The following EML6 variants were observed in gnomAD, a reference collection of about 807,000 sequenced individuals.
EML6 encodes EMAP like 6.
Under a neutral mutation model 240.1 loss-of-function variants are expected in EML6, and 154 were observed. The observed-to-expected ratio is 0.64, with a 90% CI of 0.56 to 0.73. The LOEUF is 0.73. Among genes scored for constraint, EML6 ranks in the 30% least tolerant of loss-of-function variants. The pLI is 0.00. For synonymous variants in EML6, 1,148 were observed against 899.0 expected (o/e 1.28, Z -4.95); for missense variants, 2,964 against 2,474.6 (o/e 1.20, Z -4.20).
chr2:54,751,311 G>A (rs1049415802), intron 2 of EML6, among the ~76,000 whole-genome samples: 18 of 152,130 alleles, frequency 1.2e-4, no homozygotes, highest in African/African-American at 3.6e-4. Flanking sequence ...AGAAACACAC[G>A]GGGATGTAAA....
chr2:54,890,486 C>T (rs1291671619), intron 17 of EML6, among the ~76,000 whole-genome samples: 1 of 152,148 alleles, frequency 6.6e-6, no homozygotes, highest in Non-Finnish European at 1.5e-5. Context: ...TATAAACCTA[C>T]CTCTCTGTGC....
At chr2:54,859,123 T>C (rs560850685) in intron 11 of EML6, among the ~76,000 whole-genome samples, 16 of 152,380 alleles carry the variant, frequency 1.1e-4, no homozygotes, top group Middle Eastern at 3.4e-3. Flanking sequence ...CTCCAAACTC[T>C]ATGTCTACGT....
intron 39 of EML6, 108 bp from the exon 40 acceptor site, chr2:54,968,020 C>T: frequency 1.8e-6 from 2 of 1,133,904 alleles, no homozygotes; most frequent in Non-Finnish European, 2.5e-6. Flanking sequence ...TTGGGGACCC[C>T]TGATGTTAAA....
Position 54,928,723 on chromosome 2 carries a change from C to A in EML6, c.3976C>A (p.Gln1326Lys). The A allele has an allele frequency of 6.4e-7, 1 of 1,551,888 alleles. No homozygotes were observed. The highest frequency in any genetic ancestry group is 1.2e-5 in the South Asian group (1 of 84,050). Residue 1326 changes from glutamine (Q) to lysine (K), a missense_variant, in exon 28 of 42, where the codon CAG (glutamine) becomes AAG (lysine). Physicochemically the swap from Gln to Lys is moderately conservative, Grantham distance 53. Transcript: ENST00000356458. ...AATGGAAGGCACCAAGCCACACCAG[C>A]AGCTGAAGGAAGTTTCCGTGGAAGA... ...REMEGTKPHQ[Q>K]LKEVSVEERP... is the part of the protein sequence containing the mutation.
rs565020263 is a variant in EML6 at position 54,957,068 on chromosome 2, A to C, written c.4487-722A>C. Among the ~76,000 whole-genome samples, 10 of 152,288 alleles carry C rather than the reference A, an allele frequency of 6.6e-5. No individual in the cohort carries two copies. In the South Asian group the frequency reaches 2.1e-3, roughly 32 times the overall value. On this transcript the variant is annotated intron_variant, in intron 32 of 41. Transcript: ENST00000356458. ...TGTGCTCAGGGCTTCACTTACTTCA[A>C]TTCTTTTTATCTGCACTGCACCTTC...
intron 7 of EML6, among the ~76,000 whole-genome samples, chr2:54,842,226 G>A (rs1669498784): frequency 6.6e-6 from 1 of 152,076 alleles, no homozygotes; most frequent in Non-Finnish European, 1.5e-5. Context: ...TACTCTGCCT[G>A]TTCATCACTC....
At chr2:54,893,248 T>C (rs1046407043) in intron 19 of EML6, among the ~76,000 whole-genome samples, 3 of 152,138 alleles carry the variant, frequency 2.0e-5, no homozygotes, top group East Asian at 1.9e-4. Flanking sequence ...TCAGTCTGTT[T>C]TTGCTGCTGT....
chr2:54,742,193 C>T (rs149207062), intron 2 of EML6, among the ~76,000 whole-genome samples: 3 of 152,270 alleles, frequency 2.0e-5, no homozygotes, highest in East Asian at 1.9e-4. Flanking sequence ...TTAAAAACTC[C>T]GGCCAACTCT....
intron 6 of EML6, 41 bp from the exon 7 acceptor site, chr2:54,829,301 G>C (rs1013381848): frequency 3.9e-6 from 6 of 1,534,720 alleles, no homozygotes; most frequent in Non-Finnish European, 5.3e-6. Flanking sequence ...ATTATACTTA[G>C]GATGGTTGCA....
chr2:54,815,986 G>T (rs1355927036), intron 3 of EML6, among the ~76,000 whole-genome samples: 1 of 152,158 alleles, frequency 6.6e-6, no homozygotes, highest in East Asian at 1.9e-4. Context: ...TATACCCATT[G>T]TACAAATGAG....
At chr2:54,948,742 G>T (rs950961774) in intron 28 of EML6, 140 bp from the exon 29 acceptor site, 2 of 657,728 alleles carry the variant, frequency 3.0e-6, no homozygotes, top group Admixed American at 5.1e-5. Flanking sequence ...AGGAGGGCAG[G>T]ACTGAACAGA....
At chr2:54,896,617 A>G (rs555042664) in intron 21 of EML6, among the ~76,000 whole-genome samples, 4 of 152,150 alleles carry the variant, frequency 2.6e-5, no homozygotes, top group Non-Finnish European at 5.9e-5. Context: ...TGGAGAGAAA[A>G]GAAAATGCAC....
At position 54,928,746 on chromosome 2, in the gene EML6, A is replaced by AG; in HGVS notation, c.4000dup (p.Glu1334GlyfsTer6). 6.4e-7 allele frequency: 1 copy of AG among 1,551,878 alleles called. No individual in the cohort carries two copies. Among genetic ancestry groups the AG allele is most frequent in the Non-Finnish European group, 8.7e-7 (1 of 1,147,036 alleles). ...AGCAGCTGAAGGAAGTTTCCGTGGAAGAAAGGTATGGTGTTGCCAGGTTTG... is the reference window on the plus strand; with the variant it reads ...AGCAGCTGAAGGAAGTTTCCGTGGAAGGAAAGGTATGGTGTTGCCAGGTTTG... On this transcript the variant is annotated frameshift_variant, in exon 28 of 42. Coordinates refer to ENST00000356458, the MANE Select transcript of EML6 (RefSeq NM_001039753.4). LOFTEE classifies it high-confidence loss of function.
intron 28 of EML6, among the ~76,000 whole-genome samples, chr2:54,941,255 G>T (rs888608940): frequency 1.3e-5 from 2 of 152,096 alleles, no homozygotes; most frequent in African/African-American, 2.4e-5. Context: ...ATTTATTTCT[G>T]TTGGGACCAT....
intron 12 of EML6, 48 bp from the exon 13 acceptor site, chr2:54,863,735 C>T: frequency 2.2e-6 from 2 of 923,690 alleles, no homozygotes; most frequent in Non-Finnish European, 1.7e-6. Flanking sequence ...TTCAGTTGCT[C>T]AGAGTCTCAG....
In EML6 at chr2:54,892,465, A is replaced by G. The variant is rs1460182414; in HGVS notation, c.2551A>G (p.Thr851Ala). 3 of 1,550,832 alleles carry G rather than the reference A, an allele frequency of 1.9e-6. No homozygotes were observed. The African/African-American group carries it at 4.1e-5, about 21-fold the overall frequency. The change falls in exon 19 of 42, where the codon ACT becomes GCT. Residue 851 changes from threonine to alanine, a missense_variant. By Grantham distance (58) the Thr-to-Ala change is moderately conservative (BLOSUM62 0). Coordinates refer to ENST00000356458, the MANE Select transcript of EML6 (RefSeq NM_001039753.4). ...KFWQQAGGGF[T>A]SKRGTFGSVG... ...TTGGTCCACTCTAGGTGGGGGCTTC[A>G]CTTCTAAAAGAGGAACTTTTGGAAG...
intron 26 of EML6, 131 bp from the exon 27 acceptor site, chr2:54,928,182 C>A: frequency 2.7e-6 from 2 of 750,500 alleles, no homozygotes; most frequent in Non-Finnish European, 4.6e-6. Flanking sequence ...ATGGAGCTTA[C>A]ATTCTAGTTG....
At chr2:54,870,186 G>A (rs745907497) in intron 15 of EML6, among the ~76,000 whole-genome samples, 2 of 152,092 alleles carry the variant, frequency 1.3e-5, no homozygotes, top group Non-Finnish European at 2.9e-5. Context: ...CCTGAGACTC[G>A]ACCTGCAGGT....
chr2:54,749,738 G>T (rs917573216), intron 2 of EML6, among the ~76,000 whole-genome samples: 2 of 152,116 alleles, frequency 1.3e-5, no homozygotes, highest in South Asian at 4.1e-4. Context: ...AAAACATCCA[G>T]CTAGTAGCTG....
Sources: gnomAD v4.1 joint callset for allele counts (sites outside exome capture counted in the v4.1 genomes callset) on GRCh38, gnomAD v4.1.1 for gene constraint, MANE v1.5 for transcripts, NCBI Gene and HGNC (gene_info 2026-07-23, HGNC 2026-07-21) for gene names.